XPO5: variants seen among roughly 807,000 people sequenced by gnomAD.
XPO5 encodes the protein exportin-5.
In XPO5, 46 loss-of-function variants were observed where a neutral mutation model predicts 160.6. That is an observed-to-expected ratio of 0.29 (90% CI 0.23 to 0.37). XPO5 has a LOEUF of 0.37. Among genes scored for constraint, XPO5 ranks in the 10% least tolerant of loss-of-function variants. The pLI is 1.00. For missense variants in XPO5, 1,090 were observed against 1,463.9 expected (o/e 0.74, Z 4.17); for synonymous variants, 537 against 519.3 (o/e 1.03, Z -0.46).
chr6:43,565,855 G>A (rs903787507), intron 7 of XPO5, 119 bp from the exon 8 acceptor site: 2 of 716,430 alleles, frequency 2.8e-6, no homozygotes, highest in Admixed American at 6.9e-5. Flanking sequence ...CCAGGGTTTA[G>A]TGAAACACTA....
chr6:43,529,289 T>C lies in XPO5; in HGVS notation c.2678-364A>G. On this transcript the variant is annotated intron_variant, in intron 23 of 31. Transcript: ENST00000265351. ...TGGCTGCGGTGGCTCACACCTGTAA[T>C]CCCAGCACTTTGGGAGGCCAAGGCG... is the stretch of plus-strand genomic sequence containing the variant. 2.4e-6 allele frequency: 3 copies of C among 1,266,648 alleles called. No homozygotes were observed. The South Asian group carries it at 3.5e-5, about 15-fold the overall frequency. The allele number at this position is 1,266,648 out of a possible 1,614,324, so 78.5% of individuals were successfully genotyped here. A position where few individuals can be genotyped will look rare whatever the true frequency, so the allele number is the denominator to read the frequency against.
intron 13 of XPO5, chr6:43,553,834 A>G: frequency 5.4e-6 from 1 of 185,832 alleles, no homozygotes; most frequent in Middle Eastern, 2.2e-3. Flanking sequence ...TGCCTGGCCC[A>G]TTAGTAGGCA....
At chr6:43,561,046 G>T in intron 9 of XPO5, 39 bp from the exon 10 acceptor site, 1 of 1,510,280 alleles carries the variant, frequency 6.6e-7, no homozygotes, top group Non-Finnish European at 9.2e-7. Context: ...TGTTGATCGA[G>T]AAAAGCAGGA....
chr6:43,534,477 A>G (rs1398450179), intron 20 of XPO5, among the ~76,000 whole-genome samples: 2 of 152,174 alleles, frequency 1.3e-5, no homozygotes, highest in East Asian at 3.8e-4. Flanking sequence ...GAGGAACACA[A>G]TTCCCAACAC....
Position 43,555,880 on chromosome 6 carries a change from A to T in XPO5, c.1397T>A (p.Leu466Gln). ...AAGAAAAGTTGATAGTTGATACTTTAGCCACTCCCCAGCCATCTGGAAGCT... is the reference window on the plus strand; with the variant it reads ...AAGAAAAGTTGATAGTTGATACTTTTGCCACTCCCCAGCCATCTGGAAGCT... Reference protein sequence around the residue: ...KTSFQMAGEWLKYQLSTFLDA... With the variant: ...KTSFQMAGEWQKYQLSTFLDA... The change falls in exon 13 of 32, where the codon CTA (leucine) becomes CAA (glutamine). Residue 466 changes from leucine (L) to glutamine (Q), a missense_variant. Transcript: ENST00000265351. 6.2e-7 allele frequency: 1 copy of T among 1,614,010 alleles called. No homozygotes were observed. The highest frequency in any genetic ancestry group is 8.5e-7 in the Non-Finnish European group (1 of 1,179,882).
At position 43,570,857 on chromosome 6, in the gene XPO5, C is replaced by G; in HGVS notation, c.438G>C (p.Gly146=). 1 of 1,609,226 alleles carries G rather than the reference C, an allele frequency of 6.2e-7. No homozygotes were observed. Among genetic ancestry groups the G allele is most frequent in the East Asian group, 2.2e-5 (1 of 44,848 alleles). ...AAACTGATATAGCTGTGTTTCATACCCCTTGTTTGGAAAGAGTGTCCAATT... is the reference window on the plus strand; with the variant it reads ...AAACTGATATAGCTGTGTTTCATACGCCTTGTTTGGAAAGAGTGTCCAATT... ...LIELDTLSKQ[G]ETQTELVMFI... The change falls in exon 4 of 32, where the codon GGG becomes GGC. Residue 146 remains glycine, a splice_region_variant and synonymous_variant. Transcript: ENST00000265351.
At chr6:43,538,995 C>T (rs929285720) in intron 20 of XPO5, 35 of 1,511,898 alleles carry the variant, frequency 2.3e-5, no homozygotes, top group African/African-American at 1.6e-4. Context: ...GTGGCCTTGG[C>T]GAAGTTGCCC....
chr6:43,564,964 C>A (rs545530346), intron 8 of XPO5, among the ~76,000 whole-genome samples: 220 of 151,528 alleles, frequency 1.5e-3, no homozygotes, highest in Non-Finnish European at 1.9e-3. Context: ...ACTTTGTTGC[C>A]CAGTCTGGAG....
Position 43,523,432 on chromosome 6 carries a change from T to G in XPO5, c.*436A>C. 3.2e-6 allele frequency: 1 copy of G among 311,512 alleles called. No homozygotes were observed. Among genetic ancestry groups the G allele is most frequent in the Non-Finnish European group, 6.3e-6 (1 of 158,558 alleles). The allele number at this position is 311,512 out of a possible 1,614,324, so 19.3% of individuals were successfully genotyped here. A position where few individuals can be genotyped will look rare whatever the true frequency, so the allele number is the denominator to read the frequency against. On this transcript the variant is annotated 3_prime_UTR_variant, in exon 32 of 32. Transcript: ENST00000265351. ...CAAAAGGGCTCAGTGGGAGTTGGAG[T>G]GGTCCAAGAGAAACTCTGGCACAAG...
intron 20 of XPO5, among the ~76,000 whole-genome samples, chr6:43,541,663 A>AC (rs1380217716): frequency 6.6e-6 from 1 of 152,260 alleles, no homozygotes; most frequent in Non-Finnish European, 1.5e-5. Context: ...ATGAAATCAT[A>AC]CAACATATGG....
chr6:43,548,421 G>A lies in XPO5; in HGVS notation c.1900C>T (p.Leu634Phe). ...DMLYNHVKQLLSNELLLTQME... is the reference protein window; with the variant it reads ...DMLYNHVKQLFSNELLLTQME... ...TGTGTCAGGAGTAGCTCATTGGAGA[G>A]GAGTTGCTTCACATGGTTATAAAGC... The change falls in exon 18 of 32, where the codon CTC becomes TTC. Residue 634 changes from leucine to phenylalanine, a missense_variant. Coordinates refer to ENST00000265351, the MANE Select transcript of XPO5 (RefSeq NM_020750.3). 1 of 1,604,552 alleles carries A rather than the reference G, an allele frequency of 6.2e-7. No homozygotes were observed.
In XPO5 at chr6:43,575,959, C is replaced by T; in HGVS notation, c.-95G>A. 11 of 1,273,100 alleles carry T rather than the reference C, an allele frequency of 8.6e-6. No homozygotes were observed. Among genetic ancestry groups the T allele is most frequent in the Non-Finnish European group, 9.9e-6 (9 of 907,276 alleles). The allele number at this position is 1,273,100 out of a possible 1,614,324, so 78.9% of individuals were successfully genotyped here. A position where few individuals can be genotyped will look rare whatever the true frequency, so the allele number is the denominator to read the frequency against. On this transcript the variant is annotated 5_prime_UTR_variant, in exon 1 of 32. Transcript: ENST00000265351. ...GCGAGACCACCCGTTGGTACCGGGC[C>T]GCGGCGGGCGGCGGGGGTGGGAAGC...
chr6:43,568,783 C>T, intron 5 of XPO5, 46 bp from the exon 6 acceptor site: 2 of 1,494,460 alleles, frequency 1.3e-6, no homozygotes, highest in East Asian at 2.4e-5. Flanking sequence ...AGCAAAAGGC[C>T]ACATAATAAC....
intron 27 of XPO5, chr6:43,526,189 C>T: frequency 2.1e-6 from 1 of 465,736 alleles, no homozygotes; most frequent in South Asian, 2.8e-5. Context: ...TGTTGTTGGA[C>T]AAATATTTGA....
At chr6:43,557,745 G>A (rs1182507443) in intron 12 of XPO5, among the ~76,000 whole-genome samples, 1 of 136,930 alleles carries the variant, frequency 7.3e-6, no homozygotes, top group Admixed American at 7.9e-5. Context: ...GTATGTGGGT[G>A]AACTGTATGG....
chr6:43,527,807 ACTCT>A, intron 25 of XPO5, 76 bp from the exon 26 acceptor site: 1 of 1,478,622 alleles, frequency 6.8e-7, no homozygotes, highest in South Asian at 1.2e-5. Flanking sequence ...CCCTAATCAG[ACTCT>A]CTCTGACCAC....
rs771999424 is a variant in XPO5 at position 43,573,563 on chromosome 6, G to T, written c.144C>A (p.Val48=). 3.0e-5 allele frequency: 49 copies of T among 1,613,550 alleles called. No homozygotes were observed. The highest frequency in any genetic ancestry group is 4.0e-5 in the Non-Finnish European group (47 of 1,179,724). Residue 48 remains valine, a synonymous_variant, in exon 2 of 32, where the codon GTC becomes GTA. Transcript: ENST00000265351. ...EEFKEKCPIC[V]PCGLRLAEKT... ...TCTCAGCCAACCTCAAGCCACAGGG[G>T]ACACAGATAGGACACTTTTCTTTAA...
intron 5 of XPO5, 36 bp downstream of exon 5, chr6:43,570,466 G>A (rs566390252): frequency 1.4e-5 from 22 of 1,573,652 alleles, no homozygotes; most frequent in East Asian, 9.1e-5. Context: ...ACTCATATTG[G>A]AAAATAGAAA....
chr6:43,553,736 A>C, intron 13 of XPO5: 2 of 783,934 alleles, frequency 2.6e-6, no homozygotes, highest in Non-Finnish European at 3.5e-6. Context: ...TCCTCTAACA[A>C]TGAGCGGTCT....
Sources: gnomAD v4.1 joint callset for allele counts (sites outside exome capture counted in the v4.1 genomes callset) on GRCh38, gnomAD v4.1.1 for gene constraint, MANE v1.5 for transcripts, NCBI Gene and HGNC (gene_info 2026-07-23, HGNC 2026-07-21) for gene names.